Variants in HMGA2 observed in about 807,000 individuals in gnomAD.
The protein encoded by HMGA2 is high mobility group AT-hook 2.
In HMGA2, 8 loss-of-function variants were observed where a neutral mutation model predicts 19.1. The ratio of observed to expected loss-of-function variants is 0.42; its 90% CI spans 0.25 to 0.76. The LOEUF is 0.76. Among genes scored for constraint, HMGA2 ranks in the 30% least tolerant of loss-of-function variants. The pLI is 0.28. For synonymous variants in HMGA2, 60 were observed against 48.8 expected (o/e 1.23, Z -0.96); for missense variants, 109 against 136.3 (o/e 0.80, Z 1.00).
In HMGA2 at chr12:65,964,436, C is replaced by T. The variant is rs1450538574; in HGVS notation, c.*1144C>T. The T allele has an allele frequency of 1.8e-5, 4 of 221,876 alleles. No homozygotes were observed. Among genetic ancestry groups the T allele is most frequent in the East Asian group, 6.6e-5 (1 of 15,172 alleles). 13.7% of individuals were successfully genotyped at this position (221,876 alleles called of 1,614,324 possible). ...AGCATATGTGTTACTTCAAGTAATACGTTTTGACATAAGATGGTTGACCAA... is the reference window on the plus strand; with the variant it reads ...AGCATATGTGTTACTTCAAGTAATATGTTTTGACATAAGATGGTTGACCAA... On this transcript the variant is annotated 3_prime_UTR_variant, in exon 5 of 5. Transcript: ENST00000403681.
In HMGA2 at chr12:65,828,125, ATGAC is replaced by A. The variant is rs530427285; in HGVS notation, c.198+44_198+47del. 249 of 1,434,614 alleles carry A rather than the reference ATGAC, an allele frequency of 1.7e-4. 1 individual carries two copies. In the South Asian group the frequency reaches 2.7e-3, roughly 15 times the overall value. The allele number at this position is 1,434,614 out of a possible 1,614,324, so 88.9% of individuals were successfully genotyped here. A position where few individuals can be genotyped will look rare whatever the true frequency, so the allele number is the denominator to read the frequency against. ...AAGTCAAGCTCTCCTAACTTCATCA[ATGAC>A]TGACTACAGGAGCCTGCCTGTAACT... On this transcript the variant is annotated intron_variant, in intron 2 of 4. Transcript: ENST00000403681.
chr12:65,918,635 T>G (rs563517786), intron 3 of HMGA2, among the ~76,000 whole-genome samples: 2 of 152,248 alleles, frequency 1.3e-5, no homozygotes, highest in Admixed American at 1.3e-4. Flanking sequence ...TTCTCAAACT[T>G]TTAAGAAAAG....
chr12:65,958,992 C>T (rs916246829), intron 4 of HMGA2: 1 of 152,212 alleles, frequency 6.6e-6, no homozygotes, highest in Non-Finnish European at 1.5e-5. Context: ...AATTCACTGG[C>T]CTCTTCTACT....
At chr12:65,956,398 G>C (rs1327057689) in intron 4 of HMGA2, 2 of 152,194 alleles carry the variant, frequency 1.3e-5, no homozygotes, top group African/African-American at 2.4e-5. Context: ...GAAAAGGAGA[G>C]AGCAAAGTAG....
intron 3 of HMGA2, among the ~76,000 whole-genome samples, chr12:65,921,776 T>G (rs138946976): frequency 1.3e-5 from 2 of 152,186 alleles, no homozygotes; most frequent in African/African-American, 4.8e-5. Flanking sequence ...GGCCTGGAGA[T>G]CCAGGAGAAA....
chr12:65,839,785 T>A (rs1870914644), intron 3 of HMGA2, among the ~76,000 whole-genome samples: 1 of 152,202 alleles, frequency 6.6e-6, no homozygotes. Context: ...GCGTGCTTGA[T>A]TACCTTTAAA....
intron 3 of HMGA2, among the ~76,000 whole-genome samples, chr12:65,923,365 G>T (rs1277982452): frequency 6.6e-6 from 1 of 152,174 alleles, no homozygotes; most frequent in Non-Finnish European, 1.5e-5. Context: ...AAGACTGGGG[G>T]TTAGGGGAGA....
chr12:65,946,782 C>T (rs1382221967), intron 3 of HMGA2, among the ~76,000 whole-genome samples: 1 of 152,126 alleles, frequency 6.6e-6, no homozygotes. Flanking sequence ...TCTACAAAAT[C>T]TTAAAAATCC....
chr12:65,897,620 G>A (rs2121159509), intron 3 of HMGA2, among the ~76,000 whole-genome samples: 1 of 152,280 alleles, frequency 6.6e-6, no homozygotes, highest in African/African-American at 2.4e-5. Context: ...AGGAATGTTA[G>A]GTTAAGGGAG....
intron 3 of HMGA2, among the ~76,000 whole-genome samples, chr12:65,866,515 T>C (rs922763412): frequency 3.3e-5 from 5 of 152,146 alleles, no homozygotes; most frequent in African/African-American, 1.2e-4. Flanking sequence ...AGCATTCACC[T>C]TTGTCTTCTT....
chr12:65,943,093 T>C (rs950251816), intron 3 of HMGA2, among the ~76,000 whole-genome samples: 1 of 152,220 alleles, frequency 6.6e-6, no homozygotes, highest in Non-Finnish European at 1.5e-5. Context: ...TCTAAAATTG[T>C]ACATTGTACT....
intron 3 of HMGA2, among the ~76,000 whole-genome samples, chr12:65,875,589 ATTTTTTTTT>A (rs71096056): frequency 0.017 from 433 of 26,002 alleles, 3 homozygotes; most frequent in African/African-American, 0.037. Flanking sequence ...GTGCCCGGCT[ATTTTTTTTT>A]TTTTTTTTTT....
chr12:65,945,235 T>TAA (rs111532089), intron 3 of HMGA2, among the ~76,000 whole-genome samples: 1 of 142,134 alleles, frequency 7.0e-6, no homozygotes, highest in East Asian at 2.0e-4. Context: ...TCTTATGCTT[T>TAA]AAAAAAAAAA....
At chr12:65,828,372 C>T (rs1460121) in intron 2 of HMGA2, 3 of 144,848 alleles carry the variant, frequency 2.1e-5, no homozygotes, top group Admixed American at 8.8e-5. Context: ...GAAGGGGTTG[C>T]GGGGGGGGCG....
At chr12:65,881,074 T>C (rs1411835032) in intron 3 of HMGA2, among the ~76,000 whole-genome samples, 1 of 152,190 alleles carries the variant, frequency 6.6e-6, no homozygotes, top group African/African-American at 2.4e-5. Context: ...AGGCACCACA[T>C]TTTAGACATA....
chr12:65,828,982 C>T (rs1361948443), intron 2 of HMGA2: 2 of 152,062 alleles, frequency 1.3e-5, no homozygotes, highest in African/African-American at 4.8e-5. Context: ...AAAGTTTCTG[C>T]GTTGTATTTG....
chr12:65,885,060 T>G (rs1425999125), intron 3 of HMGA2, among the ~76,000 whole-genome samples: 2 of 152,238 alleles, frequency 1.3e-5, no homozygotes, highest in African/African-American at 4.8e-5. Flanking sequence ...TCTTCTCTTC[T>G]AAGAAATTTT....
intron 3 of HMGA2, chr12:65,859,918 TA>T (rs572396261): frequency 0.095 from 20,851 of 218,526 alleles, 8 homozygotes; most frequent in South Asian, 0.2. Flanking sequence ...GCCCCATCTC[TA>T]AAAAAAAAAA....
chr12:65,841,101 A>G (rs892620623), intron 3 of HMGA2, among the ~76,000 whole-genome samples: 1 of 152,164 alleles, frequency 6.6e-6, no homozygotes, highest in African/African-American at 2.4e-5. Flanking sequence ...ATCCTTAAAC[A>G]GTTGATGATT....
Sources: allele counts gnomAD v4.1 joint callset (sites outside exome capture counted in the v4.1 genomes callset), GRCh38; gene constraint gnomAD v4.1.1; transcripts MANE v1.5; gene names NCBI Gene and HGNC (gene_info 2026-07-23, HGNC 2026-07-21).